Variants in CTNND2 observed in about 807,000 individuals in gnomAD.
CTNND2 encodes catenin delta-2.
A neutral mutation model predicts 144.4 loss-of-function variants in CTNND2; 22 were observed. That is an observed-to-expected ratio of 0.15 (90% CI 0.11 to 0.22). CTNND2 has a LOEUF of 0.22. Among genes scored for constraint, CTNND2 ranks in the 10% least tolerant of loss-of-function variants. The pLI, the probability that CTNND2 is intolerant of heterozygous loss-of-function variation, is 1.00. For synonymous variants in CTNND2, 751 were observed against 695.6 expected (o/e 1.08, Z -1.25); for missense variants, 1,353 against 1,618.8 (o/e 0.84, Z 2.82).
intron 11 of CTNND2, among the ~76,000 whole-genome samples, chr5:11,192,521 C>T (rs992759089): frequency 1.3e-4 from 20 of 152,186 alleles, no homozygotes; most frequent in African/African-American, 3.1e-4. Context: ...GCCCGGTGGG[C>T]GCAATCTAAT....
intron 15 of CTNND2, among the ~76,000 whole-genome samples, chr5:11,091,667 A>G (rs1750788118): frequency 6.6e-6 from 1 of 152,198 alleles, no homozygotes; most frequent in South Asian, 2.1e-4. Flanking sequence ...AGGAAAGACT[A>G]GAGCATGGTT....
rs563690023 is a variant in CTNND2 at position 11,205,058 on chromosome 5, A to G, written c.1762-5397T>C. Reference sequence around the variant, plus strand: ...GTGTGTGCTGCTATTCCTCTCAGGAATCTTTCATTTTAATAAAATGGATAT... The same window carrying G: ...GTGTGTGCTGCTATTCCTCTCAGGAGTCTTTCATTTTAATAAAATGGATAT... On this transcript the variant is annotated intron_variant, in intron 10 of 21. Coordinates refer to ENST00000304623, the MANE Select transcript of CTNND2 (RefSeq NM_001332.4). Among the ~76,000 whole-genome samples the G allele has an allele frequency of 1.1e-4, 17 of 152,336 alleles. No homozygotes were observed. The South Asian group carries it at 2.7e-3, about 24-fold the overall frequency.
chr5:11,727,330 T>A (rs1368176528), intron 2 of CTNND2, among the ~76,000 whole-genome samples: 1 of 152,158 alleles, frequency 6.6e-6, no homozygotes, highest in East Asian at 1.9e-4. Flanking sequence ...TTCCATCCTG[T>A]ACGTATGAAA....
Position 11,384,610 on chromosome 5 carries a change from C to A in CTNND2, c.1177+55G>T. On this transcript the variant is annotated intron_variant, in intron 7 of 21. Coordinates refer to ENST00000304623, the MANE Select transcript of CTNND2 (RefSeq NM_001332.4). The surrounding 1 kb of genome is among the most constrained non-coding windows in gnomAD (Gnocchi z 5.2). ...TTCTGCTCAAGCCGGGCTGCTGCTT[C>A]CGCGTCCCCGCCACGCGCCCAGGTG... 4 of 1,515,970 alleles carry A rather than the reference C, an allele frequency of 2.6e-6. No homozygotes were observed. Among genetic ancestry groups the A allele is most frequent in the Non-Finnish European group, 3.5e-6 (4 of 1,130,660 alleles). The allele number at this position is 1,515,970 out of a possible 1,614,324, so 93.9% of individuals were successfully genotyped here.
chr5:11,272,756 G>A (rs538695819), intron 9 of CTNND2, among the ~76,000 whole-genome samples: 10 of 152,234 alleles, frequency 6.6e-5, no homozygotes, highest in South Asian at 2.1e-4. Context: ...GGCAAAGGGC[G>A]ACTTTACTAA....
chr5:11,468,759 T>C (rs1014901932), intron 3 of CTNND2, among the ~76,000 whole-genome samples: 1 of 152,198 alleles, frequency 6.6e-6, no homozygotes, highest in Non-Finnish European at 1.5e-5. Flanking sequence ...CTAATCACTC[T>C]GTTGAAATTG....
At chr5:11,445,454 G>T (rs1764710923) in intron 3 of CTNND2, among the ~76,000 whole-genome samples, 1 of 152,152 alleles carries the variant, frequency 6.6e-6, no homozygotes, top group African/African-American at 2.4e-5. Context: ...ACTAAACGGT[G>T]GGTTGAGTGT....
chr5:11,505,474 T>C (rs1232155204), intron 3 of CTNND2, among the ~76,000 whole-genome samples: 1 of 152,208 alleles, frequency 6.6e-6, no homozygotes, highest in Non-Finnish European at 1.5e-5. Context: ...ATTTATAATT[T>C]TGTCTGAAAC....
At chr5:11,217,532 T>C (rs559959299) in intron 10 of CTNND2, among the ~76,000 whole-genome samples, 2 of 152,330 alleles carry the variant, frequency 1.3e-5, no homozygotes, top group South Asian at 4.1e-4. Context: ...GAGACCTGAA[T>C]TCTGAGGCTT....
chr5:11,503,171 A>T (rs1401851598), intron 3 of CTNND2, among the ~76,000 whole-genome samples: 1 of 152,234 alleles, frequency 6.6e-6, no homozygotes, highest in African/African-American at 2.4e-5. Context: ...TCCCCTTCGC[A>T]GTCACATGAA....
chr5:11,250,491 C>CTCTCTCTCTCTCTCTATA (rs869141186), intron 9 of CTNND2, among the ~76,000 whole-genome samples: 14 of 64,104 alleles, frequency 2.2e-4, no homozygotes, highest in Admixed American at 7.0e-4. Context: ...CTCTCTCTCT[C>CTCTCTCTCTCTCTCTATA]TATATATATA....
In CTNND2 at chr5:11,903,228, C is replaced by T. The variant is rs982825576; in HGVS notation, c.37+589G>A. On this transcript the variant is annotated intron_variant, in intron 1 of 21. Coordinates refer to ENST00000304623, the MANE Select transcript of CTNND2 (RefSeq NM_001332.4). This position sits in a 1 kb window ranked among gnomAD's most constrained non-coding sequence, Gnocchi z 5.4. ...GCTGTCTATTGTCAGCACGCAGAAG[C>T]CCCCGAAACCTGTGAAGCCGGCTGC... is the stretch of plus-strand genomic sequence containing the variant. The T allele has an allele frequency of 8.6e-5, 85 of 985,302 alleles. No homozygotes were observed. Among genetic ancestry groups the T allele is most frequent in the Non-Finnish European group, 1.0e-4 (84 of 829,970 alleles). 61.0% of individuals were successfully genotyped at this position (985,302 alleles called of 1,614,324 possible).
chr5:11,633,099 A>T (rs1413074578), intron 2 of CTNND2, among the ~76,000 whole-genome samples: 1 of 152,238 alleles, frequency 6.6e-6, no homozygotes, highest in Non-Finnish European at 1.5e-5. Context: ...TAATAGTTGT[A>T]AACTTCCCAT....
intron 2 of CTNND2, among the ~76,000 whole-genome samples, chr5:11,649,895 T>G (rs1782558014): frequency 6.6e-6 from 1 of 152,204 alleles, no homozygotes; most frequent in South Asian, 2.1e-4. Flanking sequence ...TTTTTATAAT[T>G]ATTATAATCA....
At chr5:11,081,072 T>TCACACACACACACACA (rs55951127) in intron 16 of CTNND2, among the ~76,000 whole-genome samples, 2 of 145,082 alleles carry the variant, frequency 1.4e-5, no homozygotes, top group Admixed American at 7.0e-5. Flanking sequence ...TGAGACCCTG[T>TCACACACACACACACA]CACACACACA....
At chr5:11,257,041 A>G (rs903747971) in intron 9 of CTNND2, among the ~76,000 whole-genome samples, 1 of 152,214 alleles carries the variant, frequency 6.6e-6, no homozygotes, top group South Asian at 2.1e-4. Context: ...ATGTAAGGTA[A>G]TATTTCTGAT....
At chr5:11,272,454 T>C (rs2149979713) in intron 9 of CTNND2, among the ~76,000 whole-genome samples, 1 of 152,256 alleles carries the variant, frequency 6.6e-6, no homozygotes, top group African/African-American at 2.4e-5. Flanking sequence ...AGACCCACAA[T>C]AAAAACCTTA....
At chr5:11,305,160 A>G (rs1305038892) in intron 9 of CTNND2, among the ~76,000 whole-genome samples, 1 of 152,272 alleles carries the variant, frequency 6.6e-6, no homozygotes, top group South Asian at 2.1e-4. Flanking sequence ...GCGCCTTTCA[A>G]ATACAAACTC....
intron 1 of CTNND2, among the ~76,000 whole-genome samples, chr5:11,785,555 C>G (rs1581881149): frequency 6.6e-6 from 1 of 151,700 alleles, no homozygotes; most frequent in Admixed American, 6.6e-5. Flanking sequence ...AGGAAGCAAG[C>G]ATTAGATGGA....
Sources: allele counts gnomAD v4.1 joint callset (sites outside exome capture counted in the v4.1 genomes callset), GRCh38; gene constraint gnomAD v4.1.1; non-coding constraint Gnocchi (gnomAD v3.1); transcripts MANE v1.5; gene names NCBI Gene and HGNC (gene_info 2026-07-23, HGNC 2026-07-21).